COQ8B: variants seen among roughly 807,000 people sequenced by gnomAD.
The protein encoded by COQ8B is atypical kinase COQ8B, mitochondrial.
COQ8B carries 44 observed loss-of-function variants against 62.0 expected under a neutral mutation model. That is an observed-to-expected ratio of 0.71 (90% confidence interval 0.56 to 0.91). The LOEUF is 0.91. COQ8B is among the 40% of genes least tolerant of loss of function. COQ8B has a pLI of 0.00. For synonymous variants in COQ8B, 252 were observed against 289.9 expected (o/e 0.87, Z 1.33); for missense variants, 649 against 731.6 (o/e 0.89, Z 1.30).
At chr19:40,708,233 C>T (rs2082115586) in intron 5 of COQ8B, 1 of 152,100 alleles carries the variant, frequency 6.6e-6, no homozygotes, top group Non-Finnish European at 1.5e-5. Flanking sequence ...CAGCTGTAAT[C>T]CCAGCACTTT....
chr19:40,700,477 G>A (rs757474532), intron 10 of COQ8B, 26 bp from the exon 11 acceptor site: 5 of 1,606,828 alleles, frequency 3.1e-6, no homozygotes, highest in Admixed American at 3.4e-5. Flanking sequence ...AGGGAGGAAG[G>A]GGACTTCGTG....
intron 14 of COQ8B, 123 bp from the exon 15 acceptor site, chr19:40,692,496 TC>T: frequency 1.2e-6 from 1 of 848,480 alleles, no homozygotes; most frequent in Non-Finnish European, 1.8e-6. Context: ...AAGCCCCGAC[TC>T]CCCCAAGAGT....
chr19:40,706,348 T>C (rs950882070), intron 5 of COQ8B, among the ~76,000 whole-genome samples: 17 of 152,252 alleles, frequency 1.1e-4, no homozygotes, highest in Admixed American at 8.5e-4. Flanking sequence ...TCTGCTCTCA[T>C]GCGTCTAAGA....
chr19:40,692,026 T>G lies in COQ8B; in HGVS notation c.*9A>C. ...CCTGCTCTGGGGACTGAATCCCCCATGGAGGCTGTCATGAGGGATCCACCC... is the reference window on the plus strand; with the variant it reads ...CCTGCTCTGGGGACTGAATCCCCCAGGGAGGCTGTCATGAGGGATCCACCC... On this transcript the variant is annotated 3_prime_UTR_variant, in exon 15 of 15. Transcript: ENST00000324464. The G allele has an allele frequency of 6.3e-7, 1 of 1,590,064 alleles. No homozygotes were observed. The highest frequency in any genetic ancestry group is 1.1e-5 in the South Asian group (1 of 87,824).
In COQ8B at chr19:40,714,570, A is replaced by G. The variant is rs541772745; in HGVS notation, c.63T>C (p.Gly21=). Residue 21 remains glycine, a synonymous_variant, in exon 2 of 15, where the codon GGT becomes GGC. Transcript: ENST00000324464. ...CAGGCCCCAGGGCCCCACAAGGCCA[A>G]CCAACAGTCTGGCCCAGCTGTCCAC... The part of the protein sequence containing the change: ...GTGGQLGQTV[G]WPCGALGPGP... 5 of 1,613,456 alleles carry G rather than the reference A, an allele frequency of 3.1e-6. No homozygotes were observed. In the African/African-American group the frequency reaches 5.3e-5, roughly 17 times the overall value.
Position 40,695,982 on chromosome 19 carries a change from G to A in COQ8B, c.1209+7C>T. On this transcript the variant is annotated splice_region_variant and intron_variant, in intron 13 of 14. Transcript: ENST00000324464. ...TTCAGAGGCCCTGGGGTCTGGGGGA[G>A]ACTCACCTCGATGTAATGGTCTGTG... 6.2e-7 allele frequency: 1 copy of A among 1,614,152 alleles called. No homozygotes were observed. The highest frequency in any genetic ancestry group is 1.3e-5 in the African/African-American group (1 of 75,044).
In COQ8B at chr19:40,691,948, C is replaced by A; in HGVS notation, c.*87G>T. ...AAGACTGGGAAGCCCAAGGGGGCTC[C>A]TCTGACCCAGGGCAGACGGGGAAGG... is the stretch of plus-strand genomic sequence containing the variant. On this transcript the variant is annotated 3_prime_UTR_variant, in exon 15 of 15. Transcript: ENST00000324464. 1 of 1,314,190 alleles carries A rather than the reference C, an allele frequency of 7.6e-7. No individual in the cohort carries two copies. The highest frequency in any genetic ancestry group is 1.0e-6 in the Non-Finnish European group (1 of 995,514). The allele number at this position is 1,314,190 out of a possible 1,614,324, so 81.4% of individuals were successfully genotyped here.
intron 1 of COQ8B, 77 bp from the exon 2 acceptor site, chr19:40,714,712 C>T (rs997174415): frequency 4.0e-5 from 55 of 1,376,938 alleles, no homozygotes; most frequent in Non-Finnish European, 4.5e-5. Context: ...CCTCTGTGTC[C>T]ACCCTCTCTC....
At position 40,699,081 on chromosome 19, in the gene COQ8B, T is replaced by C. The variant is rs143429527; in HGVS notation, c.1143+986A>G. On this transcript the variant is annotated intron_variant, in intron 12 of 14. Coordinates refer to ENST00000324464, the MANE Select transcript of COQ8B (RefSeq NM_024876.4). ...CTCCTGCCTCAGCATCCCAAAGTGC[T>C]GGAATTACAGGCATGAGCCACCATG... Among the ~76,000 whole-genome samples, 1,184 of 151,834 alleles carry C rather than the reference T, an allele frequency of 7.8e-3. 7 individuals are homozygous for C. The highest frequency in any genetic ancestry group is 0.014 in the Non-Finnish European group (929 of 67,912).
intron 4 of COQ8B, among the ~76,000 whole-genome samples, chr19:40,711,378 C>T (rs1355771652): frequency 2.0e-5 from 3 of 152,078 alleles, no homozygotes; most frequent in South Asian, 2.1e-4. Flanking sequence ...ACCACACGTG[C>T]ATACCACCAC....
intron 12 of COQ8B, among the ~76,000 whole-genome samples, chr19:40,697,423 T>C (rs2082022685): frequency 6.6e-6 from 1 of 152,182 alleles, no homozygotes; most frequent in Non-Finnish European, 1.5e-5. Flanking sequence ...CTGTTTCTAA[T>C]TTTTGTGCTC....
Position 40,705,181 on chromosome 19 carries a change from T to A in COQ8B, c.491A>T (p.Asp164Val). 1 of 1,613,256 alleles carries A rather than the reference T, an allele frequency of 6.2e-7. No individual in the cohort carries two copies. Among genetic ancestry groups the A allele is most frequent in the Middle Eastern group, 1.7e-4 (1 of 6,058 alleles). ...LKVGQMLSIQ[D>V]NSFISPQLQH... ...CAGCTGAGGGCTGATGAAGCTGTTG[T>A]CTTGGGAGACAGTGGAACCAGGGGG... Residue 164 changes from aspartate (D) to valine (V), a missense_variant and splice_region_variant, in exon 7 of 15, where the codon GAC becomes GTC. Transcript: ENST00000324464.
At chr19:40,709,043 C>T (rs1043084222) in intron 5 of COQ8B, among the ~76,000 whole-genome samples, 3 of 152,164 alleles carry the variant, frequency 2.0e-5, no homozygotes, top group African/African-American at 4.8e-5. Flanking sequence ...CATTCTGCTT[C>T]GTCTGCTTTA....
chr19:40,703,766 C>CGGCAAT lies in COQ8B; in HGVS notation c.665_666insATTGCC (p.Gln222_Val223insLeuPro). 1 of 1,614,118 alleles carries CGGCAAT rather than the reference C, an allele frequency of 6.2e-7. No homozygotes were observed. ...CGTCCCTCAGCAGGCCCTGGTGCAC[C>CGGCAAT]TGCCCAATTGAGGCAGCGGCAAAGG... is the stretch of plus-strand genomic sequence containing the variant. On this transcript the variant is annotated inframe_insertion, in exon 8 of 15. Transcript: ENST00000324464.
intron 7 of COQ8B, 123 bp downstream of exon 7, chr19:40,704,973 A>G: frequency 1.1e-6 from 1 of 952,198 alleles, no homozygotes; most frequent in Non-Finnish European, 1.5e-6. Context: ...GGTGATTCCC[A>G]TTTTACAGAT....
At chr19:40,693,575 C>A (rs1397875504) in intron 13 of COQ8B, among the ~76,000 whole-genome samples, 1 of 152,104 alleles carries the variant, frequency 6.6e-6, no homozygotes, top group African/African-American at 2.4e-5. Flanking sequence ...ACACACAGGG[C>A]AGGAGTTGTG....
At chr19:40,703,939 C>T in intron 7 of COQ8B, 84 bp from the exon 8 acceptor site, 1 of 1,478,596 alleles carries the variant, frequency 6.8e-7, no homozygotes, top group African/African-American at 1.4e-5. Flanking sequence ...AACCCCAGCA[C>T]TCACCACATG....
chr19:40,691,800 C>A lies in COQ8B; in HGVS notation c.*235G>T, dbSNP rs1418278114. 4.7e-6 allele frequency: 2 copies of A among 422,022 alleles called. No individual in the cohort carries two copies. The highest frequency in any genetic ancestry group is 4.0e-5 in the Admixed American group (1 of 24,942). The allele number at this position is 422,022 out of a possible 1,614,324, so 26.1% of individuals were successfully genotyped here. On this transcript the variant is annotated 3_prime_UTR_variant, in exon 15 of 15. Transcript: ENST00000324464. ...AATGTTGGCAAAGATAAGTTAACCG[C>A]TTCCCTGGCTTAGTTTTCGGATACC...
chr19:40,696,706 G>A (rs8105009), intron 12 of COQ8B, among the ~76,000 whole-genome samples: 18,611 of 150,886 alleles, frequency 0.12, 1,240 homozygotes, highest in Middle Eastern at 0.17. Context: ...GGAGCCTCCT[G>A]TGTATCCCGC....
Sources: gnomAD v4.1 joint callset for allele counts (sites outside exome capture counted in the v4.1 genomes callset) on GRCh38, gnomAD v4.1.1 for gene constraint, MANE v1.5 for transcripts, NCBI Gene and HGNC (gene_info 2026-07-23, HGNC 2026-07-21) for gene names.